The following NAV2 variants were observed in gnomAD, a reference collection of about 807,000 sequenced individuals.
The protein encoded by NAV2 is helicase, APC down-regulated 1.
A neutral mutation model predicts 223.2 loss-of-function variants in NAV2; 54 were observed. The ratio of observed to expected loss-of-function variants is 0.24; its 90% confidence interval spans 0.19 to 0.30. The LOEUF (loss-of-function observed/expected upper bound fraction) is 0.30, where lower values mean the gene tolerates loss of function less well. Among genes scored for constraint, NAV2 ranks in the 10% least tolerant of loss-of-function variants. NAV2 has a pLI of 1.00. For synonymous variants in NAV2, 1,279 were observed against 1,239.3 expected (o/e 1.03, Z -0.67); for missense variants, 2,806 against 3,147.5 (o/e 0.89, Z 2.60).
At chr11:19,705,519 T>A (rs12801897) in intron 1 of NAV2, among the ~76,000 whole-genome samples, 34 of 152,332 alleles carry the variant, frequency 2.2e-4, no homozygotes, top group African/African-American at 7.9e-4. Context: ...AATCACTGAA[T>A]GAGGAGCAAG....
chr11:20,050,837 G>C (rs1363198604), intron 16 of NAV2, among the ~76,000 whole-genome samples: 1 of 152,182 alleles, frequency 6.6e-6, no homozygotes, highest in Non-Finnish European at 1.5e-5. Flanking sequence ...CAACAAGTCT[G>C]TTCTCCCATT....
At chr11:19,829,167 C>T (rs1191167012) in intron 1 of NAV2, among the ~76,000 whole-genome samples, 1 of 152,202 alleles carries the variant, frequency 6.6e-6, no homozygotes, top group Non-Finnish European at 1.5e-5. Flanking sequence ...ACTTCTCACT[C>T]AGCTGATGTT....
intron 1 of NAV2, among the ~76,000 whole-genome samples, chr11:19,625,105 A>G (rs373693689): frequency 1.3e-5 from 2 of 152,164 alleles, no homozygotes; most frequent in Admixed American, 6.5e-5. Flanking sequence ...CCGAAACTAT[A>G]TAATACATTA....
Position 20,080,074 on chromosome 11 carries a change from T to A in NAV2, c.5190T>A (p.Thr1730=), listed in dbSNP as rs1164354905. ...TPELNCKGNG[T]AQSADLRIRR... Reference sequence around the variant, plus strand: ...TGCCTTGGTCTCCAGGAAACGGCACTGCCCAGTCTGCAGACCTCCGCATCC... The same window carrying A: ...TGCCTTGGTCTCCAGGAAACGGCACAGCCCAGTCTGCAGACCTCCGCATCC... Residue 1730 remains threonine, a synonymous_variant, in exon 25 of 38, where the codon ACT becomes ACA. Coordinates refer to ENST00000349880, the MANE Select transcript of NAV2 (RefSeq NM_145117.5). 3.1e-6 allele frequency: 5 copies of A among 1,613,678 alleles called. No individual in the cohort carries two copies. Among genetic ancestry groups the A allele is most frequent in the Admixed American group, 1.7e-5 (1 of 59,998 alleles).
At chr11:19,434,744 C>T (rs1851153491) in intron 1 of NAV2, among the ~76,000 whole-genome samples, 1 of 152,002 alleles carries the variant, frequency 6.6e-6, no homozygotes, top group African/African-American at 2.4e-5. Flanking sequence ...CTTCAAATAT[C>T]ACAAAGATGT....
At chr11:19,633,542 A>G (rs2047404688) in intron 1 of NAV2, among the ~76,000 whole-genome samples, 2 of 152,246 alleles carry the variant, frequency 1.3e-5, no homozygotes, top group African/African-American at 4.8e-5. Context: ...ACCTGACCCA[A>G]CAGCCCAGTG....
chr11:19,468,607 G>C (rs985732060), intron 1 of NAV2, among the ~76,000 whole-genome samples: 1 of 152,122 alleles, frequency 6.6e-6, no homozygotes, highest in Admixed American at 6.5e-5. Flanking sequence ...AATTACATTT[G>C]TAATAACCTT....
chr11:19,968,439 C>T (rs533642999), intron 10 of NAV2, among the ~76,000 whole-genome samples: 268 of 152,234 alleles, frequency 1.8e-3, no homozygotes, highest in African/African-American at 5.9e-3. Context: ...AGGCTGGTCT[C>T]GATCTCCTGA....
chr11:19,783,186 T>C (rs1324053898), intron 1 of NAV2, among the ~76,000 whole-genome samples: 2 of 152,230 alleles, frequency 1.3e-5, no homozygotes, highest in Non-Finnish European at 1.5e-5. Context: ...TAGCTTTGCC[T>C]ATTTTTCTAG....
At chr11:20,115,722 G>GGGCA (rs1024716500) in intron 37 of NAV2, among the ~76,000 whole-genome samples, 64 of 150,380 alleles carry the variant, frequency 4.3e-4, no homozygotes, top group African/African-American at 1.6e-3. Flanking sequence ...GTTACAGCCT[G>GGGCA]GGCAACGTAA....
intron 20 of NAV2, among the ~76,000 whole-genome samples, chr11:20,062,738 A>C (rs1227309391): frequency 1.3e-5 from 2 of 152,226 alleles, no homozygotes; most frequent in African/African-American, 4.8e-5. Flanking sequence ...TCTGTTGCCC[A>C]GGCTGGAATG....
chr11:20,046,192 C>T lies in NAV2; in HGVS notation c.3902+522C>T, dbSNP rs187845650. On this transcript the variant is annotated intron_variant, in intron 14 of 37. Transcript: ENST00000349880. ...CTACTAAAAATACAAAAAAATTAGC[C>T]TGGCATGGTGGTATGCACCTGTAGT... Among the ~76,000 whole-genome samples the T allele has an allele frequency of 5.8e-3, 811 of 139,614 alleles. 4 individuals are homozygous for T. Among genetic ancestry groups the T allele is most frequent in the South Asian group, 0.025 (112 of 4,500 alleles). 91.6% of individuals were successfully genotyped at this position (139,614 alleles called of 152,430 possible). A position where few individuals can be genotyped will look rare whatever the true frequency, so the allele number is the denominator to read the frequency against.
At chr11:19,843,263 GTGTT>G (rs1217907267) in intron 3 of NAV2, among the ~76,000 whole-genome samples, 1 of 152,172 alleles carries the variant, frequency 6.6e-6, no homozygotes, top group Non-Finnish European at 1.5e-5. Context: ...ACATCAATAT[GTGTT>G]TGTGTATGGA....
At chr11:19,746,690 C>T (rs1404639306) in intron 1 of NAV2, among the ~76,000 whole-genome samples, 4 of 151,870 alleles carry the variant, frequency 2.6e-5, no homozygotes. Flanking sequence ...TGCCACATGC[C>T]CCCATGTTCT....
chr11:19,917,831 G>T (rs961617013), intron 6 of NAV2, among the ~76,000 whole-genome samples: 4 of 152,170 alleles, frequency 2.6e-5, no homozygotes, highest in Non-Finnish European at 5.9e-5. Flanking sequence ...AAGACAAGCT[G>T]GTCTCGAACT....
chr11:20,075,375 C>G (rs985018042), intron 22 of NAV2, among the ~76,000 whole-genome samples: 1 of 151,720 alleles, frequency 6.6e-6, no homozygotes, highest in Non-Finnish European at 1.5e-5. Context: ...AGGTGCCCAC[C>G]ACCATGCCCA....
At chr11:19,850,051 C>T (rs937372653) in intron 3 of NAV2, among the ~76,000 whole-genome samples, 2 of 152,212 alleles carry the variant, frequency 1.3e-5, no homozygotes, top group East Asian at 1.9e-4. Flanking sequence ...TACACCCCAG[C>T]GAGACCAGAT....
chr11:19,996,581 G>A (rs549242710), intron 11 of NAV2, among the ~76,000 whole-genome samples: 97 of 152,332 alleles, frequency 6.4e-4, no homozygotes, highest in African/African-American at 2.1e-3. Context: ...CCCAGCTGAG[G>A]CTTCAGAGTT....
intron 1 of NAV2, among the ~76,000 whole-genome samples, chr11:19,418,226 T>C (rs1850462256): frequency 6.6e-6 from 1 of 152,218 alleles, no homozygotes; most frequent in African/African-American, 2.4e-5. Context: ...TCTGTCAGTG[T>C]TCATTGAGAG....
Sources: gnomAD v4.1 joint callset for allele counts (sites outside exome capture counted in the v4.1 genomes callset) on GRCh38, gnomAD v4.1.1 for gene constraint, MANE v1.5 for transcripts, NCBI Gene and HGNC (gene_info 2026-07-23, HGNC 2026-07-21) for gene names.